The following SYNE2 variants were observed in gnomAD, a reference collection of about 807,000 sequenced individuals.
SYNE2 encodes spectrin repeat containing nuclear envelope protein 2.
Under a neutral mutation model 856.3 loss-of-function variants are expected in SYNE2, and 431 were observed. The observed-to-expected ratio is 0.50, with a 90% CI of 0.47 to 0.55. The LOEUF (loss-of-function observed/expected upper bound fraction) is 0.55. Among genes scored for constraint, SYNE2 ranks in the 20% least tolerant of loss-of-function variants. The pLI is 0.00. For missense variants in SYNE2, 8,129 were observed against 8,023.2 expected, an observed-to-expected ratio of 1.01 and a Z score of -0.50; for synonymous variants, 2,923 against 2,872.3, an observed-to-expected ratio of 1.02 and a Z score of -0.56.
In SYNE2 at chr14:64,075,988, A is replaced by G. The variant is rs753086381; in HGVS notation, c.10910A>G (p.Asn3637Ser). Residue 3637 changes from asparagine to serine, a missense_variant, in exon 54 of 116, where the codon AAT becomes AGT. Asn to Ser is a conservative substitution (Grantham distance 46). Around this residue, in one of 3 missense-constraint regions of SYNE2, gnomAD observed 5,410 missense variants for 5,284.8 expected, o/e 1.02. Coordinates refer to ENST00000555002, the MANE Select transcript of SYNE2 (RefSeq NM_182914.3). ...ILKKGKLTFE[N>S]IMEKLRIKYS... ...AAGAAAGGGAAACTAACTTTTGAGAATATTATGGAAAAACTGCGAATCAAG... is the reference window on the plus strand; with the variant it reads ...AAGAAAGGGAAACTAACTTTTGAGAGTATTATGGAAAAACTGCGAATCAAG... The G allele has an allele frequency of 8.1e-6, 13 of 1,614,014 alleles. No homozygotes were observed. The highest frequency in any genetic ancestry group is 2.2e-5 in the East Asian group (1 of 44,844).
rs34440267 is a variant in SYNE2, at chr14:63,976,540, C to CTTT, written c.1129-6_1129-4dup. On this transcript the variant is annotated intron_variant, in intron 11 of 115. Transcript: ENST00000555002. ...GAAAAGTTCTACTGAAGAATATGTT[C>CTTT]TTTTTTTTTTTTTTTTTTTCAGATT... is the stretch of plus-strand genomic sequence containing the variant. The CTTT allele has an allele frequency of 3.3e-3, 4,521 of 1,359,226 alleles. 22 individuals carry two copies. The highest frequency in any genetic ancestry group is 0.023 in the African/African-American group (1,290 of 56,806). The allele number at this position is 1,359,226 out of a possible 1,614,324, so 84.2% of individuals were successfully genotyped here.
rs758278787 is a variant in SYNE2, at chr14:64,122,500, A to T, written c.13422+73A>T. The T allele has an allele frequency of 2.5e-6, 4 of 1,599,634 alleles. No individual in the cohort carries two copies. The East Asian group carries it at 6.7e-5, about 27-fold the overall frequency. ...TCCAACAAGCATTCATTAAATAAAC[A>T]TGTATATTCTCCAGAAAGCAAAGTT... On this transcript the variant is annotated intron_variant, in intron 70 of 115. Coordinates refer to ENST00000555002, the MANE Select transcript of SYNE2 (RefSeq NM_182914.3).
intron 100 of SYNE2, among the ~76,000 whole-genome samples, chr14:64,205,809 T>G (rs139157615): frequency 4.3e-4 from 65 of 152,334 alleles, no homozygotes; most frequent in African/African-American, 1.5e-3. Context: ...TGTCCTAGTT[T>G]GTTCATTGGT....
intron 11 of SYNE2, among the ~76,000 whole-genome samples, chr14:63,968,730 A>G (rs559889290): frequency 3.9e-5 from 6 of 152,222 alleles, no homozygotes; most frequent in Non-Finnish European, 8.8e-5. Context: ...GTAGGTGTAT[A>G]TATTTATGGG....
intron 2 of SYNE2, among the ~76,000 whole-genome samples, chr14:63,912,808 G>A (rs2095488539): frequency 6.6e-6 from 1 of 152,214 alleles, no homozygotes; most frequent in African/African-American, 2.4e-5. Flanking sequence ...AATCAGCCCT[G>A]AAGATCAGGC....
Position 63,964,015 on chromosome 14 carries a change from A to G in SYNE2, c.990+15A>G, listed in dbSNP as rs1566924091. The G allele has an allele frequency of 6.9e-7, 1 of 1,455,350 alleles. No homozygotes were observed. The highest frequency in any genetic ancestry group is 1.7e-5 in the Admixed American group (1 of 59,538). 90.2% of individuals were successfully genotyped at this position (1,455,350 alleles called of 1,614,324 possible). A position where few individuals can be genotyped will look rare whatever the true frequency, so the allele number is the denominator to read the frequency against. ...AAAAGTATAATGTAAGTATGATTTT[A>G]AACAGCTGTTTGTAATTTACCTTTT... On this transcript the variant is annotated intron_variant, in intron 10 of 115. Transcript: ENST00000555002.
At chr14:64,014,354 A>G (rs1594866878) in intron 32 of SYNE2, among the ~76,000 whole-genome samples, 1 of 152,282 alleles carries the variant, frequency 6.6e-6, no homozygotes, top group East Asian at 1.9e-4. Context: ...TTTGGTGAAT[A>G]TAAGTTTTTA....
chr14:64,083,024 A>T (rs1444874162), intron 57 of SYNE2, among the ~76,000 whole-genome samples: 1 of 152,148 alleles, frequency 6.6e-6, no homozygotes, highest in Non-Finnish European at 1.5e-5. Flanking sequence ...TCCCTTAGAG[A>T]AAAGCTTATT....
intron 2 of SYNE2, among the ~76,000 whole-genome samples, chr14:63,914,124 A>G (rs1329950250): frequency 1.3e-5 from 2 of 152,170 alleles, no homozygotes; most frequent in Admixed American, 6.5e-5. Flanking sequence ...ATTTGATCCT[A>G]AAAAAATAAT....
At chr14:64,161,855 T>A (rs1186493776) in intron 87 of SYNE2, among the ~76,000 whole-genome samples, 1 of 152,216 alleles carries the variant, frequency 6.6e-6, no homozygotes, top group African/African-American at 2.4e-5. Context: ...TTTTGTAGTT[T>A]TTGTGCAATA....
exon 1 of SYNE2, chr14:63,761,931 C>G (rs909087541): frequency 1.1e-5 from 3 of 273,514 alleles, no homozygotes; most frequent in African/African-American, 2.2e-5. Context: ...AGTAGCGACC[C>G]GCGGGGAGCG....
chr14:64,209,328 G>T (rs2098628012), intron 101 of SYNE2, 100 bp from the exon 102 acceptor site: 2 of 1,586,950 alleles, frequency 1.3e-6, no homozygotes, highest in Non-Finnish European at 1.7e-6. Flanking sequence ...GGGTAACAGG[G>T]TCTCCCCCAC....
At chr14:64,141,668 C>G in intron 81 of SYNE2, 145 bp downstream of exon 81, 1 of 951,320 alleles carries the variant, frequency 1.1e-6, no homozygotes, top group Non-Finnish European at 1.6e-6. Flanking sequence ...AATTACTGGA[C>G]CCTCCTCCAA....
intron 1 of SYNE2, among the ~76,000 whole-genome samples, chr14:63,800,491 G>A (rs1216882684): frequency 6.6e-6 from 1 of 152,144 alleles, no homozygotes; most frequent in African/African-American, 2.4e-5. Flanking sequence ...GTTTCACCAT[G>A]TCTGCCAGGC....
intron 1 of SYNE2, among the ~76,000 whole-genome samples, chr14:63,896,718 T>C (rs2095258743): frequency 6.6e-6 from 1 of 152,224 alleles, no homozygotes; most frequent in Admixed American, 6.5e-5. Flanking sequence ...TCTAGTGCTC[T>C]TTCAGCCATT....
chr14:64,196,451 T>A (rs191781637), intron 99 of SYNE2, among the ~76,000 whole-genome samples: 206 of 152,336 alleles, frequency 1.4e-3, no homozygotes, highest in Admixed American at 2.8e-3. Context: ...CCCTTTATAC[T>A]GCAAAATAGA....
At chr14:63,804,219 A>G (rs1420590166) in intron 1 of SYNE2, among the ~76,000 whole-genome samples, 1 of 152,028 alleles carries the variant, frequency 6.6e-6, no homozygotes, top group Non-Finnish European at 1.5e-5. Context: ...AATCAGTTTA[A>G]TTTGGTTTTT....
intron 54 of SYNE2, among the ~76,000 whole-genome samples, chr14:64,077,346 A>G (rs990411432): frequency 6.6e-6 from 1 of 151,442 alleles, no homozygotes; most frequent in East Asian, 1.9e-4. Context: ...AATTTGTGAC[A>G]CAGCCAGCCA....
intron 115 of SYNE2, 38 bp from the exon 116 acceptor site, chr14:64,225,281 G>A: frequency 6.2e-7 from 1 of 1,614,020 alleles, no homozygotes; most frequent in Non-Finnish European, 8.5e-7. Flanking sequence ...TGTGCCTGTG[G>A]AGCCTCCCAA....
Sources: allele counts gnomAD v4.1 joint callset (sites outside exome capture counted in the v4.1 genomes callset), GRCh38; gene constraint gnomAD v4.1.1; regional missense constraint gnomAD v4.1.1; transcripts MANE v1.5; gene names NCBI Gene and HGNC (gene_info 2026-07-23, HGNC 2026-07-21).